PAX5: variants seen among roughly 807,000 people sequenced by gnomAD.
The protein encoded by PAX5 is paired box 5, also known as paired box protein Pax-5.
In PAX5, 9 loss-of-function variants were observed where a neutral mutation model predicts 43.7. The ratio of observed to expected loss-of-function variants is 0.21; its 90% confidence interval spans 0.12 to 0.36. The LOEUF is 0.36. Among genes scored for constraint, PAX5 ranks in the 10% least tolerant of loss-of-function variants. The pLI is 1.00. For missense variants in PAX5, 383 were observed against 532.7 expected, an observed-to-expected ratio of 0.72 and a Z score of 2.77; for synonymous variants, 228 against 214.3, an observed-to-expected ratio of 1.06 and a Z score of -0.56.
chr9:36,938,908 A>G (rs1831792832), intron 6 of PAX5, among the ~76,000 whole-genome samples: 1 of 152,206 alleles, frequency 6.6e-6, no homozygotes, highest in Non-Finnish European at 1.5e-5. Context: ...TTTCATTACA[A>G]AGCCTCCTCC....
At chr9:36,917,013 G>A (rs1436535468) in intron 7 of PAX5, among the ~76,000 whole-genome samples, 5 of 151,840 alleles carry the variant, frequency 3.3e-5, no homozygotes, top group African/African-American at 1.2e-4. Flanking sequence ...GCTAACTATT[G>A]TTTACTTATA....
intron 5 of PAX5, among the ~76,000 whole-genome samples, chr9:36,981,080 C>T (rs1434523085): frequency 3.3e-5 from 5 of 152,034 alleles, no homozygotes; most frequent in Non-Finnish European, 5.9e-5. Context: ...TCCCTCTCTC[C>T]GGAAACTTCC....
At chr9:36,906,012 G>A (rs1828791377) in intron 7 of PAX5, among the ~76,000 whole-genome samples, 1 of 152,190 alleles carries the variant, frequency 6.6e-6, no homozygotes, top group Non-Finnish European at 1.5e-5. Flanking sequence ...AGAGAGTGGA[G>A]AAAGAACAGG....
chr9:36,916,985 CTT>C (rs1360303092), intron 7 of PAX5, among the ~76,000 whole-genome samples: 1 of 151,950 alleles, frequency 6.6e-6, no homozygotes, highest in Non-Finnish European at 1.5e-5. Flanking sequence ...GCACCCAGCT[CTT>C]TTATTATGTT....
At chr9:37,026,075 G>A (rs1422206361) in intron 1 of PAX5, among the ~76,000 whole-genome samples, 1 of 152,204 alleles carries the variant, frequency 6.6e-6, no homozygotes, top group Non-Finnish European at 1.5e-5. Flanking sequence ...CACACATACA[G>A]ACACGGGTCA....
chr9:36,907,026 G>A (rs1828884155), intron 7 of PAX5, among the ~76,000 whole-genome samples: 1 of 152,150 alleles, frequency 6.6e-6, no homozygotes, highest in African/African-American at 2.4e-5. Flanking sequence ...AGACCCCAGT[G>A]GGCGCCAGCC....
Position 36,851,152 on chromosome 9 carries a change from G to A in PAX5, c.1013-4223C>T, listed in dbSNP as rs553806928. Reference sequence around the variant, plus strand: ...TAAAAGCACCTACATCATAGGATTGGCAAGAAGTAAGTGAAAGAATGTTAC... The same window carrying A: ...TAAAAGCACCTACATCATAGGATTGACAAGAAGTAAGTGAAAGAATGTTAC... On this transcript the variant is annotated intron_variant, in intron 8 of 9. Transcript: ENST00000358127. 5.9e-5 allele frequency among the ~76,000 whole-genome samples: 9 copies of A among 152,334 alleles called. No individual in the cohort carries two copies. In the South Asian group the frequency reaches 8.3e-4, roughly 14 times the overall value.
intron 7 of PAX5, among the ~76,000 whole-genome samples, chr9:36,915,177 G>A (rs1829635556): frequency 6.6e-6 from 1 of 152,132 alleles, no homozygotes; most frequent in African/African-American, 2.4e-5. Context: ...ATTCCTAAAA[G>A]TACGTATAAA....
intron 1 of PAX5, chr9:37,026,789 G>T: frequency 1.1e-6 from 1 of 908,434 alleles, no homozygotes; most frequent in Non-Finnish European, 1.3e-6. Context: ...GCGCACCCGG[G>T]CTAGGAGCGG....
At chr9:36,850,173 G>A (rs1013401192) in intron 8 of PAX5, among the ~76,000 whole-genome samples, 1 of 152,248 alleles carries the variant, frequency 6.6e-6, no homozygotes, top group South Asian at 2.1e-4. Context: ...GTGAGGCCCC[G>A]CAGAGGCAGC....
At chr9:36,980,101 G>A (rs898546327) in intron 5 of PAX5, among the ~76,000 whole-genome samples, 1 of 152,186 alleles carries the variant, frequency 6.6e-6, no homozygotes, top group Admixed American at 6.5e-5. Flanking sequence ...CACTGCTATG[G>A]TTCCTTCGTG....
Position 36,840,272 on chromosome 9 carries a change from G to A in PAX5, c.*288C>T, listed in dbSNP as rs2131564394. 1 of 540,792 alleles carries A rather than the reference G, an allele frequency of 1.8e-6. No homozygotes were observed. Among genetic ancestry groups the A allele is most frequent in the Non-Finnish European group, 3.3e-6 (1 of 303,658 alleles). 33.5% of individuals were successfully genotyped at this position (540,792 alleles called of 1,614,324 possible). A position where few individuals can be genotyped will look rare whatever the true frequency, so the allele number is the denominator to read the frequency against. On this transcript the variant is annotated 3_prime_UTR_variant, in exon 10 of 10. Transcript: ENST00000358127. ...GACAGCTGGAGGACAGGCAGGCTGG[G>A]CTGGGGCTGCGGTTATTTGCAGGAC...
At chr9:36,968,042 G>A (rs1297439517) in intron 5 of PAX5, among the ~76,000 whole-genome samples, 3 of 152,150 alleles carry the variant, frequency 2.0e-5, no homozygotes, top group African/African-American at 4.8e-5. Flanking sequence ...AAATGGCCTC[G>A]GGGGTACATC....
At chr9:36,897,631 C>T (rs976047506) in intron 7 of PAX5, among the ~76,000 whole-genome samples, 2 of 152,154 alleles carry the variant, frequency 1.3e-5, no homozygotes, top group African/African-American at 2.4e-5. Flanking sequence ...GGGCTGTGCA[C>T]AGCCAGGTTT....
At chr9:36,979,984 GTCAAGACTTTT>G (rs1835772175) in intron 5 of PAX5, among the ~76,000 whole-genome samples, 1 of 152,134 alleles carries the variant, frequency 6.6e-6, no homozygotes, top group Non-Finnish European at 1.5e-5. Flanking sequence ...AGGTTCTCAG[GTCAAGACTTTT>G]TCCACTTTCT....
At chr9:36,867,052 TG>T in intron 8 of PAX5, among the ~76,000 whole-genome samples, 1 of 32,330 alleles carries the variant, frequency 3.1e-5, no homozygotes, top group East Asian at 5.1e-4. Context: ...ATGTCCTGGA[TG>T]GGGTGGTGGG....
intron 7 of PAX5, among the ~76,000 whole-genome samples, chr9:36,914,854 G>C (rs1412836109): frequency 6.6e-6 from 1 of 152,186 alleles, no homozygotes; most frequent in Non-Finnish European, 1.5e-5. Context: ...ACATGCATCT[G>C]TGTGTCTATC....
At chr9:36,973,941 G>A (rs1835206958) in intron 5 of PAX5, among the ~76,000 whole-genome samples, 1 of 152,118 alleles carries the variant, frequency 6.6e-6, no homozygotes, top group Non-Finnish European at 1.5e-5. Flanking sequence ...CGGAGGTTGT[G>A]GTGAGCCAAG....
intron 5 of PAX5, among the ~76,000 whole-genome samples, chr9:36,994,729 G>A (rs185417546): frequency 2.4e-4 from 37 of 152,340 alleles, no homozygotes; most frequent in African/African-American, 8.7e-4. Context: ...GTTGCCTTGT[G>A]GGTTGCCAGG....
Sources: allele counts gnomAD v4.1 joint callset (sites outside exome capture counted in the v4.1 genomes callset), GRCh38; gene constraint gnomAD v4.1.1; transcripts MANE v1.5; gene names NCBI Gene and HGNC (gene_info 2026-07-23, HGNC 2026-07-21).